The following MCC variants were observed in gnomAD, a reference collection of about 807,000 sequenced individuals.
MCC encodes the protein colorectal mutant cancer protein.
MCC carries 90 observed loss-of-function variants against 116.2 expected under a neutral mutation model. The observed-to-expected ratio is 0.77, with a 90% CI of 0.65 to 0.92. The LOEUF (loss-of-function observed/expected upper bound fraction) is 0.92, where lower values mean the gene tolerates loss of function less well. Ranked by LOEUF, MCC falls within the 40% of genes least tolerant of loss-of-function variation. The pLI, the probability that MCC is intolerant of heterozygous loss-of-function variation, is 0.00. For missense variants in MCC, 1,516 were observed against 1,312.2 expected (o/e 1.16, Z -2.40); for synonymous variants, 578 against 510.5 (o/e 1.13, Z -1.78).
At chr5:113,077,689 C>T (rs1430985073) in intron 11 of MCC, among the ~76,000 whole-genome samples, 1 of 152,116 alleles carries the variant, frequency 6.6e-6, no homozygotes. Flanking sequence ...CACTAAATGC[C>T]TACAAGAGAA....
chr5:113,322,076 C>T (rs1211161533), intron 3 of MCC, among the ~76,000 whole-genome samples: 1 of 152,202 alleles, frequency 6.6e-6, no homozygotes, highest in Non-Finnish European at 1.5e-5. Flanking sequence ...AGGTGATCCA[C>T]CTGCCTCGGG....
At chr5:113,387,998 G>GCCCA (rs1428319002) in intron 1 of MCC, among the ~76,000 whole-genome samples, 2 of 152,146 alleles carry the variant, frequency 1.3e-5, no homozygotes, top group African/African-American at 4.8e-5. Context: ...GTCCACAGAG[G>GCCCA]CCCACCCTTC....
At chr5:113,487,601 C>T (rs1345582853) in intron 1 of MCC, among the ~76,000 whole-genome samples, 2 of 152,208 alleles carry the variant, frequency 1.3e-5, no homozygotes, top group Admixed American at 1.3e-4. Context: ...ACCTGGTCAG[C>T]GCACAGAGCC....
intron 3 of MCC, among the ~76,000 whole-genome samples, chr5:113,216,510 G>A (rs1200602628): frequency 1.3e-5 from 2 of 152,268 alleles, no homozygotes; most frequent in Non-Finnish European, 1.5e-5. Flanking sequence ...GGCTCCTTGA[G>A]GACAAGGCCC....
At chr5:113,064,615 G>C (rs182562709) in intron 13 of MCC, among the ~76,000 whole-genome samples, 25 of 152,334 alleles carry the variant, frequency 1.6e-4, no homozygotes, top group Non-Finnish European at 2.4e-4. Flanking sequence ...TACAGCTTTG[G>C]TTAGAGCCCT....
At chr5:113,454,826 G>C (rs970963653) in intron 1 of MCC, among the ~76,000 whole-genome samples, 1 of 152,100 alleles carries the variant, frequency 6.6e-6, no homozygotes, top group Non-Finnish European at 1.5e-5. Context: ...ACCTAATATA[G>C]TACTAGAAAA....
chr5:113,174,152 G>T (rs754625107), intron 3 of MCC, among the ~76,000 whole-genome samples: 2 of 152,164 alleles, frequency 1.3e-5, no homozygotes, highest in Non-Finnish European at 2.9e-5. Flanking sequence ...CCAATGCTAA[G>T]AGAGATTTAG....
intron 6 of MCC, among the ~76,000 whole-genome samples, chr5:113,115,740 T>G (rs1325353806): frequency 6.6e-6 from 1 of 152,076 alleles, no homozygotes; most frequent in Non-Finnish European, 1.5e-5. Flanking sequence ...TGAAAAGAAG[T>G]TCAAATCTAC....
At chr5:113,194,679 G>A (rs1219945504) in intron 3 of MCC, among the ~76,000 whole-genome samples, 1 of 151,922 alleles carries the variant, frequency 6.6e-6, no homozygotes, top group Non-Finnish European at 1.5e-5. Context: ...GAAGAAAGAG[G>A]AAGAAAAAGA....
chr5:113,117,688 A>T (rs1351611203), intron 6 of MCC, among the ~76,000 whole-genome samples: 2 of 152,252 alleles, frequency 1.3e-5, no homozygotes, highest in Non-Finnish European at 2.9e-5. Context: ...TGTTGCGTTA[A>T]CAGAGGTGGG....
chr5:113,046,926 C>T (rs935415564), intron 16 of MCC, among the ~76,000 whole-genome samples: 2 of 152,056 alleles, frequency 1.3e-5, no homozygotes, highest in Non-Finnish European at 2.9e-5. Context: ...AGGACCCTTC[C>T]ATGATTCCGC....
chr5:113,429,886 G>A (rs974435599), intron 1 of MCC, among the ~76,000 whole-genome samples: 7 of 152,180 alleles, frequency 4.6e-5, no homozygotes, highest in African/African-American at 1.4e-4. Context: ...GAAGTAAAAC[G>A]TCCTGTGAGA....
intron 2 of MCC, among the ~76,000 whole-genome samples, chr5:113,365,735 T>C (rs1012865868): frequency 6.6e-6 from 1 of 152,228 alleles, no homozygotes; most frequent in African/African-American, 2.4e-5. Context: ...AACATGATGC[T>C]GGCATCTGCT....
intron 3 of MCC, among the ~76,000 whole-genome samples, chr5:113,317,546 C>T (rs1482710383): frequency 6.6e-6 from 1 of 152,108 alleles, no homozygotes; most frequent in African/African-American, 2.4e-5. Flanking sequence ...TGTTTATGGC[C>T]AGGTGCTAAA....
rs1334825234 is a variant in MCC at position 113,445,180 on chromosome 5, G to C, written c.170+43065C>G. 4.6e-5 allele frequency among the ~76,000 whole-genome samples: 7 copies of C among 152,190 alleles called. No individual in the cohort carries two copies. In the South Asian group the frequency reaches 1.2e-3, roughly 27 times the overall value. ...TTATCTAAGTTCTGAATTGGGTTTA[G>C]GGCACCAGATCTAGGGATGTTTGGG... On this transcript the variant is annotated intron_variant, in intron 1 of 18. Transcript: ENST00000408903.
At chr5:113,061,203 G>C (rs930398153) in intron 14 of MCC, among the ~76,000 whole-genome samples, 1 of 152,194 alleles carries the variant, frequency 6.6e-6, no homozygotes, top group Admixed American at 6.5e-5. Flanking sequence ...CGGCAAGGCT[G>C]CAACCACCAT....
intron 5 of MCC, among the ~76,000 whole-genome samples, chr5:113,135,469 G>A (rs1758758271): frequency 6.8e-6 from 1 of 148,000 alleles, no homozygotes; most frequent in Admixed American, 6.7e-5. Flanking sequence ...TGAGGCAGGA[G>A]AATGGCGTGA....
At chr5:113,388,165 T>TG (rs1581446037) in intron 1 of MCC, among the ~76,000 whole-genome samples, 2 of 152,220 alleles carry the variant, frequency 1.3e-5, no homozygotes, top group East Asian at 3.8e-4. Flanking sequence ...CACTGAATTT[T>TG]AATTTTAAAC....
intron 16 of MCC, among the ~76,000 whole-genome samples, chr5:113,044,928 G>T (rs1045379115): frequency 3.9e-5 from 6 of 152,172 alleles, no homozygotes; most frequent in Non-Finnish European, 7.3e-5. Context: ...ATTCAGTGCT[G>T]CAAGTCCAGG....
Sources: gnomAD v4.1 joint callset for allele counts (sites outside exome capture counted in the v4.1 genomes callset) on GRCh38, gnomAD v4.1.1 for gene constraint, MANE v1.5 for transcripts, NCBI Gene and HGNC (gene_info 2026-07-23, HGNC 2026-07-21) for gene names.